MCTP1: variants seen among roughly 807,000 people sequenced by gnomAD.
The protein encoded by MCTP1 is multiple C2 and transmembrane domain containing 1.
In MCTP1, 69 loss-of-function variants were observed where a neutral mutation model predicts 120.6. That is an observed-to-expected ratio of 0.57 (90% CI 0.47 to 0.70). The LOEUF (loss-of-function observed/expected upper bound fraction) is 0.70. MCTP1 is among the 30% of genes least tolerant of loss of function. The pLI is 0.00. For synonymous variants in MCTP1, 529 were observed against 493.1 expected (o/e 1.07, Z -0.96); for missense variants, 1,203 against 1,248.8 (o/e 0.96, Z 0.55).
At chr5:95,165,331 A>G (rs994584436) in intron 1 of MCTP1, among the ~76,000 whole-genome samples, 1 of 152,154 alleles carries the variant, frequency 6.6e-6, no homozygotes, top group Non-Finnish European at 1.5e-5. Flanking sequence ...TAAACCACCA[A>G]ATTTATTTGG....
At chr5:95,261,323 G>A (rs937724532) in intron 1 of MCTP1, among the ~76,000 whole-genome samples, 1 of 152,054 alleles carries the variant, frequency 6.6e-6, no homozygotes, top group Non-Finnish European at 1.5e-5. Flanking sequence ...TATGCAGTGG[G>A]CGCTTTATAA....
chr5:95,162,695 A>G (rs1173998465), intron 1 of MCTP1, among the ~76,000 whole-genome samples: 1 of 152,232 alleles, frequency 6.6e-6, no homozygotes, highest in Non-Finnish European at 1.5e-5. Context: ...GGAAAATGTT[A>G]GATTACTTTC....
rs1760542464 is a variant in MCTP1 at position 95,283,993 on chromosome 5, G to A, written c.583C>T (p.His195Tyr). 11 of 1,466,286 alleles carry A rather than the reference G, an allele frequency of 7.5e-6. No individual in the cohort carries two copies. The highest frequency in any genetic ancestry group is 9.0e-6 in the Non-Finnish European group (10 of 1,112,982). The allele number at this position is 1,466,286 out of a possible 1,614,324, so 90.8% of individuals were successfully genotyped here. The change falls in exon 1 of 23, where the codon CAC (histidine) becomes TAC (tyrosine). Residue 195 changes from histidine (H) to tyrosine (Y), a missense_variant. By Grantham distance (83) the His-to-Tyr change is moderately conservative. This residue lies in a region of MCTP1 where 463 missense variants were observed against 377.8 expected (regional missense o/e 1.23). Coordinates refer to ENST00000515393, the MANE Select transcript of MCTP1 (RefSeq NM_024717.7). ...CCCGGCAGAGAGGAGCTCTTCTGGT[G>A]GCACAAGTGCGCCCCGGGGCCCTGA... ...RRQGPGAHLC[H>Y]QKSSSLPGTA...
intron 12 of MCTP1, among the ~76,000 whole-genome samples, chr5:94,876,212 T>TA (rs1449187442): frequency 6.6e-6 from 1 of 152,158 alleles, no homozygotes; most frequent in Non-Finnish European, 1.5e-5. Context: ...ATCTGCCACT[T>TA]AAACAAACAA....
chr5:95,210,633 G>T (rs1032225730), intron 1 of MCTP1, among the ~76,000 whole-genome samples: 19 of 150,886 alleles, frequency 1.3e-4, no homozygotes, highest in Non-Finnish European at 2.7e-4. Flanking sequence ...TATCCAATTT[G>T]CCAGTCTGTG....
chr5:94,956,829 A>C, intron 2 of MCTP1, among the ~76,000 whole-genome samples: 1 of 152,228 alleles, frequency 6.6e-6, no homozygotes, highest in African/African-American at 2.4e-5. Context: ...AATGGAACCA[A>C]GTTGAAAAAT....
chr5:94,935,632 A>T (rs1816006624), intron 5 of MCTP1, among the ~76,000 whole-genome samples: 1 of 152,090 alleles, frequency 6.6e-6, no homozygotes, highest in Admixed American at 6.6e-5. Context: ...ACACAGGCAT[A>T]AGAATAAACA....
chr5:95,076,452 GAAA>G (rs34708532), intron 1 of MCTP1, among the ~76,000 whole-genome samples: 10 of 130,784 alleles, frequency 7.6e-5, no homozygotes, highest in East Asian at 2.2e-4. Context: ...GCTGAAAAAG[GAAA>G]AAAAAAAAAA....
At chr5:94,812,993 G>A (rs1367256566) in intron 17 of MCTP1, among the ~76,000 whole-genome samples, 1 of 151,716 alleles carries the variant, frequency 6.6e-6, no homozygotes, top group African/African-American at 2.4e-5. Context: ...CCTCATTAAA[G>A]TTAAAAACAT....
intron 1 of MCTP1, among the ~76,000 whole-genome samples, chr5:95,093,199 G>A (rs1000549616): frequency 5.9e-5 from 9 of 152,154 alleles, no homozygotes; most frequent in African/African-American, 1.9e-4. Context: ...TATTGTTGTT[G>A]TTTTTTAATG....
intron 1 of MCTP1, among the ~76,000 whole-genome samples, chr5:95,196,284 GTTTATACTA>G (rs1411122562): frequency 6.6e-6 from 1 of 152,120 alleles, no homozygotes; most frequent in Non-Finnish European, 1.5e-5. Flanking sequence ...TCATTTCACT[GTTTATACTA>G]TACTAAGCAT....
chr5:94,964,963 A>T (rs1825233395), intron 2 of MCTP1, among the ~76,000 whole-genome samples: 1 of 152,222 alleles, frequency 6.6e-6, no homozygotes, highest in Non-Finnish European at 1.5e-5. Context: ...TAATAAATTT[A>T]AAAATGATTA....
At chr5:95,147,507 A>G (rs1760504648) in intron 1 of MCTP1, among the ~76,000 whole-genome samples, 1 of 152,206 alleles carries the variant, frequency 6.6e-6, no homozygotes, top group Non-Finnish European at 1.5e-5. Flanking sequence ...CTTATCTGAT[A>G]TAAGAATAGT....
In MCTP1 at chr5:95,076,937, T is replaced by A. The variant is rs1582179133; in HGVS notation, c.721-59453A>T. Among the ~76,000 whole-genome samples, 9 of 152,294 alleles carry A rather than the reference T, an allele frequency of 5.9e-5. No individual in the cohort carries two copies. In the East Asian group the frequency reaches 1.7e-3, roughly 29 times the overall value. ...GATCAAGTATTTTTACAGGAAAATA[T>A]TTTCTGTATTCCCTCCCCGCCTTGT... On this transcript the variant is annotated intron_variant, in intron 1 of 22. Coordinates refer to ENST00000515393, the MANE Select transcript of MCTP1 (RefSeq NM_024717.7).
chr5:94,732,962 T>TTGG (rs1763413720), intron 19 of MCTP1, among the ~76,000 whole-genome samples: 1 of 152,128 alleles, frequency 6.6e-6, no homozygotes, highest in Non-Finnish European at 1.5e-5. Context: ...ATAAAATTAT[T>TTGG]TTTATATATT....
intron 19 of MCTP1, among the ~76,000 whole-genome samples, chr5:94,769,285 TAGA>T (rs1773529574): frequency 6.6e-6 from 1 of 152,078 alleles, no homozygotes; most frequent in Non-Finnish European, 1.5e-5. Context: ...TACAATTAGA[TAGA>T]AGGACTAAGT....
intron 1 of MCTP1, among the ~76,000 whole-genome samples, chr5:95,075,777 C>T (rs551769729): frequency 6.6e-6 from 1 of 152,324 alleles, no homozygotes; most frequent in Admixed American, 6.5e-5. Context: ...ACTTTCTTAA[C>T]ACTTTCTCTC....
intron 17 of MCTP1, among the ~76,000 whole-genome samples, chr5:94,837,835 C>T (rs1790169295): frequency 6.6e-6 from 1 of 152,190 alleles, no homozygotes; most frequent in Non-Finnish European, 1.5e-5. Flanking sequence ...ATTCTTCATG[C>T]TCACATAAGG....
intron 17 of MCTP1, among the ~76,000 whole-genome samples, chr5:94,817,211 T>C (rs1361413330): frequency 6.6e-6 from 1 of 152,162 alleles, no homozygotes; most frequent in African/African-American, 2.4e-5. Flanking sequence ...GAGACCATCC[T>C]GGCCAACATG....
Sources: allele counts gnomAD v4.1 joint callset (sites outside exome capture counted in the v4.1 genomes callset), GRCh38; gene constraint gnomAD v4.1.1; regional missense constraint gnomAD v4.1.1; transcripts MANE v1.5; gene names NCBI Gene and HGNC (gene_info 2026-07-23, HGNC 2026-07-21).